FHIT: variants seen among roughly 807,000 people sequenced by gnomAD.
FHIT encodes fragile histidine triad diadenosine triphosphatase, also known as bis(5'-adenosyl)-triphosphatase.
In FHIT, 19 loss-of-function variants were observed where a neutral mutation model predicts 17.9. The ratio of observed to expected loss-of-function variants is 1.06; its 90% CI spans 0.74 to 1.56. The LOEUF (loss-of-function observed/expected upper bound fraction) is 1.56. Ranked by LOEUF, FHIT falls within the 40% of genes most tolerant of loss-of-function variation. FHIT has a pLI of 0.00. For synonymous variants in FHIT, 81 were observed against 69.7 expected (o/e 1.16, Z -0.81); for missense variants, 248 against 189.2 (o/e 1.31, Z -1.82).
intron 3 of FHIT, among the ~76,000 whole-genome samples, chr3:60,959,220 C>T (rs782057193): frequency 5.9e-5 from 9 of 152,170 alleles, no homozygotes; most frequent in Non-Finnish European, 1.2e-4. Context: ...CTGTCAGCGG[C>T]TGTGATTTCA....
intron 3 of FHIT, among the ~76,000 whole-genome samples, chr3:60,955,633 T>TATATATATATATATATATATACAC (rs1272864632): frequency 4.0e-4 from 16 of 39,508 alleles, no homozygotes; most frequent in South Asian, 8.6e-4. Context: ...TATATATATA[T>TATATATATATATATATATATACAC]ACACACACAC....
Position 59,848,494 on chromosome 3 carries a change from T to C in FHIT, c.348+73852A>G, listed in dbSNP as rs553446859. Among the ~76,000 whole-genome samples, 6 of 152,308 alleles carry C rather than the reference T, an allele frequency of 3.9e-5. No homozygotes were observed. In the East Asian group the frequency reaches 1.2e-3, roughly 29 times the overall value. On this transcript the variant is annotated intron_variant, in intron 8 of 9. Coordinates refer to ENST00000492590, the MANE Select transcript of FHIT (RefSeq NM_002012.4). Reference sequence around the variant, plus strand: ...TTTGGGGATTTTTGAGCAATTTCAGTAATCTTCTAAAATAATATTTAGAAT... The same window carrying C: ...TTTGGGGATTTTTGAGCAATTTCAGCAATCTTCTAAAATAATATTTAGAAT...
chr3:60,238,887 T>C (rs1311436479), intron 5 of FHIT, among the ~76,000 whole-genome samples: 1 of 152,192 alleles, frequency 6.6e-6, no homozygotes, highest in African/African-American at 2.4e-5. Flanking sequence ...GCATTAGGAA[T>C]GGAGCTGATT....
intron 8 of FHIT, among the ~76,000 whole-genome samples, chr3:59,828,846 T>TGTG (rs1701066549): frequency 6.6e-6 from 1 of 150,888 alleles, no homozygotes; most frequent in Non-Finnish European, 1.5e-5. Flanking sequence ...TGGTACTCTC[T>TGTG]CTGTGTGTGT....
chr3:61,132,640 C>T (rs1172323285), intron 2 of FHIT, among the ~76,000 whole-genome samples: 1 of 152,056 alleles, frequency 6.6e-6, no homozygotes, highest in Non-Finnish European at 1.5e-5. Context: ...TAGAGAAACC[C>T]AAGGGTGTTG....
chr3:60,152,090 C>A (rs1385119772), intron 5 of FHIT, among the ~76,000 whole-genome samples: 2 of 152,164 alleles, frequency 1.3e-5, no homozygotes, highest in Admixed American at 6.5e-5. Flanking sequence ...TGATGCAACA[C>A]AGACCAACGT....
In FHIT at chr3:60,690,707, T is replaced by C. The variant is rs1227586673; in HGVS notation, c.-18+131212A>G. On this transcript the variant is annotated intron_variant, in intron 4 of 9. Transcript: ENST00000492590. ...TTGACAGCAATGTCGAAGAAAACAG[T>C]GGGGTTGACCATAGCTGGTAATACG... 5.3e-5 allele frequency: 24 copies of C among 449,322 alleles called. No homozygotes were observed. In the Admixed American group the frequency reaches 5.9e-4, roughly 11 times the overall value. The allele number at this position is 449,322 out of a possible 1,614,324, so 27.8% of individuals were successfully genotyped here. A position where few individuals can be genotyped will look rare whatever the true frequency, so the allele number is the denominator to read the frequency against.
At chr3:60,507,875 A>T (rs1247788304) in intron 5 of FHIT, among the ~76,000 whole-genome samples, 3 of 152,224 alleles carry the variant, frequency 2.0e-5, no homozygotes, top group Non-Finnish European at 4.4e-5. Context: ...ATGGCTGCAT[A>T]GTATTCCATG....
chr3:60,602,931 C>T (rs567337641), intron 4 of FHIT, among the ~76,000 whole-genome samples: 73 of 152,244 alleles, frequency 4.8e-4, no homozygotes, highest in African/African-American at 1.6e-3. Context: ...CCAAATCTGC[C>T]GGTACCTTGA....
chr3:60,924,602 T>C (rs902190811), intron 3 of FHIT, among the ~76,000 whole-genome samples: 2 of 151,794 alleles, frequency 1.3e-5, no homozygotes, highest in African/African-American at 4.8e-5. Flanking sequence ...ACCACAAAGA[T>C]GGGGAAAAAA....
At chr3:60,106,074 A>C (rs1025479749) in intron 5 of FHIT, among the ~76,000 whole-genome samples, 2 of 152,174 alleles carry the variant, frequency 1.3e-5, no homozygotes, top group African/African-American at 4.8e-5. Context: ...TGGAGCGGGA[A>C]TCTTTCCTTT....
intron 3 of FHIT, among the ~76,000 whole-genome samples, chr3:61,015,364 G>A (rs998131387): frequency 6.6e-6 from 1 of 152,186 alleles, no homozygotes; most frequent in Non-Finnish European, 1.5e-5. Context: ...GTGAGGGGCT[G>A]AGGGAGATGT....
At chr3:61,080,545 T>C (rs1005218849) in intron 2 of FHIT, among the ~76,000 whole-genome samples, 11 of 152,076 alleles carry the variant, frequency 7.2e-5, no homozygotes, top group African/African-American at 2.7e-4. Flanking sequence ...AAAAGAAAAA[T>C]TGCCCAGAGA....
intron 5 of FHIT, among the ~76,000 whole-genome samples, chr3:60,393,166 T>A (rs1701299850): frequency 6.6e-6 from 1 of 152,116 alleles, no homozygotes; most frequent in Admixed American, 6.6e-5. Flanking sequence ...GTTAATAATG[T>A]AATCAAGATT....
intron 1 of FHIT, among the ~76,000 whole-genome samples, chr3:61,213,002 G>A (rs1278225644): frequency 1.3e-5 from 2 of 152,176 alleles, no homozygotes; most frequent in African/African-American, 2.4e-5. Context: ...GCTCCTGAAG[G>A]AAGCACTAAA....
chr3:61,132,774 C>A (rs1052636704), intron 2 of FHIT, among the ~76,000 whole-genome samples: 1 of 152,144 alleles, frequency 6.6e-6, no homozygotes, highest in Admixed American at 6.5e-5. Flanking sequence ...TTTGAAAAGT[C>A]TTTGAAGCCA....
At chr3:60,086,755 G>A (rs1454960806) in intron 5 of FHIT, among the ~76,000 whole-genome samples, 2 of 152,196 alleles carry the variant, frequency 1.3e-5, no homozygotes, top group African/African-American at 4.8e-5. Context: ...TAATGCCTCA[G>A]GCAGCTCTGC....
chr3:60,966,213 C>A (rs1276122607), intron 3 of FHIT, among the ~76,000 whole-genome samples: 2 of 152,186 alleles, frequency 1.3e-5, no homozygotes, highest in African/African-American at 4.8e-5. Context: ...AGAGTGAAGC[C>A]CCGTGGGCAT....
intron 8 of FHIT, among the ~76,000 whole-genome samples, chr3:59,781,116 G>A (rs780069034): frequency 4.6e-5 from 7 of 152,146 alleles, no homozygotes; most frequent in African/African-American, 1.7e-4. Flanking sequence ...AAGGCATGTA[G>A]GATCTTGAAG....
Sources: allele counts gnomAD v4.1 joint callset (sites outside exome capture counted in the v4.1 genomes callset), GRCh38; gene constraint gnomAD v4.1.1; transcripts MANE v1.5; gene names NCBI Gene and HGNC (gene_info 2026-07-23, HGNC 2026-07-21).